Variants in CAPN3 observed in about 807,000 individuals in gnomAD.
CAPN3 encodes calpain-3.
Under a neutral mutation model 114.0 loss-of-function variants are expected in CAPN3, and 88 were observed. That is an observed-to-expected ratio of 0.77 (90% confidence interval 0.65 to 0.92). The LOEUF is 0.92. CAPN3 is among the 40% of genes least tolerant of loss of function. The probability of loss-of-function intolerance (pLI) is 0.00; values close to 1 mark genes in which losing one functional copy is unlikely to be tolerated. For synonymous variants in CAPN3, 386 were observed against 382.9 expected, an observed-to-expected ratio of 1.01 and a Z score of -0.09; for missense variants, 1,028 against 1,069.0, an observed-to-expected ratio of 0.96 and a Z score of 0.53.
intron 8 of CAPN3, 95 bp downstream of exon 8, chr15:42,394,436 C>A: frequency 1.0e-6 from 1 of 993,860 alleles, no homozygotes; most frequent in Non-Finnish European, 1.6e-6. Flanking sequence ...ATTGAAGATG[C>A]TTGGTATAAA....
intron 7 of CAPN3, 103 bp downstream of exon 7, chr15:42,392,825 CT>C (rs756433044): frequency 1.6e-4 from 129 of 828,320 alleles, no homozygotes; most frequent in Non-Finnish European, 2.4e-4. Context: ...CAGAGCTTGC[CT>C]CCAATCAGGA....
intron 6 of CAPN3, among the ~76,000 whole-genome samples, chr15:42,391,228 CTTTGT>C (rs927286328): frequency 5.3e-5 from 8 of 151,782 alleles, no homozygotes; most frequent in African/African-American, 1.7e-4. Flanking sequence ...TCTTTTTTTT[CTTTGT>C]TTTGTTTTGT....
intron 1 of CAPN3, among the ~76,000 whole-genome samples, chr15:42,369,051 ACTCT>A (rs1317510027): frequency 1.3e-4 from 20 of 152,070 alleles, no homozygotes; most frequent in Non-Finnish European, 1.5e-5. Flanking sequence ...TGTCAGGAGT[ACTCT>A]CTCTTACAGA....
At chr15:42,384,405 C>T (rs566720381) in intron 1 of CAPN3, 78 bp from the exon 2 acceptor site, 13 of 1,046,764 alleles carry the variant, frequency 1.2e-5, no homozygotes, top group Middle Eastern at 2.2e-4. Flanking sequence ...AGTGAGACTC[C>T]GTCTCAAAAA....
intron 6 of CAPN3, among the ~76,000 whole-genome samples, chr15:42,391,659 G>A (rs1029996947): frequency 6.6e-6 from 1 of 152,192 alleles, no homozygotes; most frequent in African/African-American, 2.4e-5. Context: ...CAGGGCTCAT[G>A]GGACTTTAGT....
chr15:42,409,733 C>T (rs375524466), intron 17 of CAPN3, 54 bp from the exon 18 acceptor site: 17 of 1,486,590 alleles, frequency 1.1e-5, no homozygotes, highest in Admixed American at 6.7e-5. Flanking sequence ...AAAGTGTCCG[C>T]GCCAGGAGCT....
At position 42,387,872 on chromosome 15, in the gene CAPN3, G is replaced by A. The variant is rs541597520; in HGVS notation, c.618G>A (p.Glu206=). 1 of 1,614,202 alleles carries A rather than the reference G, an allele frequency of 6.2e-7. No homozygotes were observed. The highest frequency in any genetic ancestry group is 1.1e-5 in the South Asian group (1 of 91,086). Residue 206 remains glutamate, a synonymous_variant, in exon 4 of 24, where the codon GAG becomes GAA. Coordinates refer to ENST00000397163, the MANE Select transcript of CAPN3 (RefSeq NM_000070.3). ...HRNEFWSALL[E]KAYAKLHGSY... is the part of the protein sequence containing the mutation. ...ATGAGTTCTGGAGTGCTCTGCTGGA[G>A]AAGGCTTATGCTAAGTAAGCAACAC...
At chr15:42,384,642 G>C in intron 2 of CAPN3, 90 bp downstream of exon 2, 2 of 978,124 alleles carry the variant, frequency 2.0e-6, no homozygotes, top group Non-Finnish European at 3.3e-6. Flanking sequence ...GGGACAATCT[G>C]TGCTTGCTTC....
chr15:42,361,075 T>G (rs1013674331), intron 1 of CAPN3, among the ~76,000 whole-genome samples: 3 of 152,164 alleles, frequency 2.0e-5, no homozygotes, highest in Non-Finnish European at 4.4e-5. Flanking sequence ...CAGGATCATG[T>G]GGCAAGGAGA....
chr15:42,373,825 A>G (rs1245506322), intron 1 of CAPN3, among the ~76,000 whole-genome samples: 2 of 152,186 alleles, frequency 1.3e-5, no homozygotes, highest in African/African-American at 2.4e-5. Context: ...AAACAATGGC[A>G]TGGAGCAGAT....
intron 11 of CAPN3, 90 bp from the exon 12 acceptor site, chr15:42,402,034 G>A (rs906727924): frequency 3.9e-6 from 6 of 1,542,416 alleles, no homozygotes; most frequent in Middle Eastern, 1.7e-4. Flanking sequence ...TCAGGCTTCC[G>A]CATGCGGGCT....
At position 42,409,779 on chromosome 15, in the gene CAPN3, C is replaced by T. The variant is rs1427042592; in HGVS notation, c.1993-8C>T. On this transcript the variant is annotated splice_region_variant and splice_polypyrimidine_tract_variant and intron_variant, in intron 17 of 23. Coordinates refer to ENST00000397163, the MANE Select transcript of CAPN3 (RefSeq NM_000070.3). Reference sequence around the variant, plus strand: ...TGAACCATGACCCTCCTCTCCCTTCCTCCTCAGGACATGGAGATCTGTGCA... The same window carrying T: ...TGAACCATGACCCTCCTCTCCCTTCTTCCTCAGGACATGGAGATCTGTGCA... The T allele has an allele frequency of 6.2e-7, 1 of 1,612,762 alleles. No homozygotes were observed. The highest frequency in any genetic ancestry group is 8.5e-7 in the Non-Finnish European group (1 of 1,179,332).
intron 9 of CAPN3, among the ~76,000 whole-genome samples, chr15:42,397,238 A>G (rs1168772529): frequency 6.6e-6 from 1 of 152,296 alleles, no homozygotes; most frequent in South Asian, 2.1e-4. Context: ...GGTTGTTTCT[A>G]TTCAGGCTTC....
chr15:42,401,088 G>A (rs2141197577), intron 10 of CAPN3, among the ~76,000 whole-genome samples: 1 of 152,060 alleles, frequency 6.6e-6, no homozygotes, highest in South Asian at 2.1e-4. Context: ...CAGCTACTTG[G>A]GAGGCTCAGT....
At chr15:42,361,846 G>A (rs2052652429) in intron 1 of CAPN3, among the ~76,000 whole-genome samples, 1 of 152,208 alleles carries the variant, frequency 6.6e-6, no homozygotes, top group Non-Finnish European at 1.5e-5. Context: ...TCTCACACCG[G>A]AGGCCTTTGC....
intron 11 of CAPN3, 97 bp from the exon 12 acceptor site, chr15:42,402,027 G>C: frequency 6.6e-7 from 1 of 1,521,718 alleles, no homozygotes; most frequent in Non-Finnish European, 9.1e-7. Flanking sequence ...CTGGGGGTCA[G>C]GCTTCCGCAT....
At chr15:42,374,610 G>A (rs2053038020) in intron 1 of CAPN3, 1 of 152,028 alleles carries the variant, frequency 6.6e-6, no homozygotes, top group Non-Finnish European at 1.5e-5. Context: ...CTGAGGCCAT[G>A]GATCCCTCCT....
chr15:42,384,656 T>A, intron 2 of CAPN3, 104 bp downstream of exon 2: 1 of 882,238 alleles, frequency 1.1e-6, no homozygotes, highest in Non-Finnish European at 1.9e-6. Flanking sequence ...TTGCTTCCAG[T>A]AACTTTTTGG....
Position 42,388,940 on chromosome 15 carries a change from C to T in CAPN3, c.645C>T (p.Ser215=). 1 of 1,613,952 alleles carries T rather than the reference C, an allele frequency of 6.2e-7. No homozygotes were observed. Among genetic ancestry groups the T allele is most frequent in the Non-Finnish European group, 8.5e-7 (1 of 1,179,974 alleles). The change falls in exon 5 of 24, where the codon TCC becomes TCT. Residue 215 remains serine, a synonymous_variant. Transcript: ENST00000397163. ...LEKAYAKLHG[S]YEALKGGNTT... ...TCCTCTCTCTAAGGCTCCATGGTTC[C>T]TACGAAGCTCTGAAAGGTGGGAACA...
Sources: gnomAD v4.1 joint callset for allele counts (sites outside exome capture counted in the v4.1 genomes callset) on GRCh38, gnomAD v4.1.1 for gene constraint, MANE v1.5 for transcripts, NCBI Gene and HGNC (gene_info 2026-07-23, HGNC 2026-07-21) for gene names.